Variants in KIF5C observed in about 807,000 individuals in gnomAD.
KIF5C encodes the protein kinesin family member 5C.
Under a neutral mutation model 125.2 loss-of-function variants are expected in KIF5C, and 18 were observed. The ratio of observed to expected loss-of-function variants is 0.14; its 90% confidence interval spans 0.10 to 0.21. The LOEUF is 0.21. Among genes scored for constraint, KIF5C ranks in the 10% least tolerant of loss-of-function variants. The pLI, the probability that KIF5C is intolerant of heterozygous loss-of-function variation, is 1.00. For missense variants in KIF5C, 780 were observed against 1,183.8 expected (o/e 0.66, Z 5.01); for synonymous variants, 405 against 434.0 (o/e 0.93, Z 0.83).
intron 12 of KIF5C, among the ~76,000 whole-genome samples, chr2:148,978,204 G>T (rs979984350): frequency 2.0e-5 from 3 of 152,028 alleles, no homozygotes; most frequent in African/African-American, 7.2e-5. Flanking sequence ...GGTGGGCAGC[G>T]AATACCCTTG....
intron 22 of KIF5C, among the ~76,000 whole-genome samples, chr2:149,007,253 G>A (rs1682036577): frequency 6.6e-6 from 1 of 152,082 alleles, no homozygotes; most frequent in Admixed American, 6.5e-5. Flanking sequence ...TTGAGAAAAA[G>A]GATGATGATC....
At chr2:148,897,342 G>A (rs1002719583) in intron 1 of KIF5C, among the ~76,000 whole-genome samples, 3 of 152,056 alleles carry the variant, frequency 2.0e-5, no homozygotes, top group African/African-American at 7.2e-5. Context: ...GTAGACTAGG[G>A]TTTCTTGAAC....
intron 21 of KIF5C, 70 bp from the exon 22 acceptor site, chr2:149,005,323 A>G (rs1409508557): frequency 1.7e-5 from 27 of 1,571,094 alleles, no homozygotes; most frequent in Non-Finnish European, 2.2e-5. Flanking sequence ...CGGGGGAATG[A>G]TCTGGTGCCA....
intron 1 of KIF5C, among the ~76,000 whole-genome samples, chr2:148,907,115 G>A (rs1681141531): frequency 6.6e-6 from 1 of 152,202 alleles, no homozygotes; most frequent in African/African-American, 2.4e-5. Flanking sequence ...GAAGGTGGCA[G>A]CTGCTTTTCA....
At chr2:149,002,702 C>A (rs1681887430) in intron 21 of KIF5C, among the ~76,000 whole-genome samples, 1 of 152,088 alleles carries the variant, frequency 6.6e-6, no homozygotes, top group Non-Finnish European at 1.5e-5. Context: ...GGACACTCCC[C>A]CTCACACGCA....
chr2:148,907,742 G>A (rs1485998127), intron 1 of KIF5C, among the ~76,000 whole-genome samples: 1 of 152,216 alleles, frequency 6.6e-6, no homozygotes, highest in African/African-American at 2.4e-5. Flanking sequence ...CTTTGTGGCC[G>A]AGGTGGCCCT....
At position 148,981,458 on chromosome 2, in the gene KIF5C, A is replaced by G. The variant is rs1681233464; in HGVS notation, c.1466A>G (p.Gln489Arg). Reference sequence around the variant, plus strand: ...AAGGATGAGGTGAAAGAAGTTCTCCAGGCCCTGGAGGAGCTGGCTGTCAAT... The same window carrying G: ...AAGGATGAGGTGAAAGAAGTTCTCCGGGCCCTGGAGGAGCTGGCTGTCAAT... ...AAKDEVKEVL[Q>R]ALEELAVNYD... Residue 489 changes from glutamine to arginine, a missense_variant, in exon 14 of 26, where the codon CAG becomes CGG. By Grantham distance (43) the Gln-to-Arg change is conservative (BLOSUM62 1). Transcript: ENST00000435030. 1 of 1,608,794 alleles carries G rather than the reference A, an allele frequency of 6.2e-7. No individual in the cohort carries two copies. Among genetic ancestry groups the G allele is most frequent in the Non-Finnish European group, 8.5e-7 (1 of 1,177,626 alleles).
intron 21 of KIF5C, among the ~76,000 whole-genome samples, chr2:149,002,663 C>T (rs951686027): frequency 2.6e-5 from 4 of 152,126 alleles, no homozygotes; most frequent in Non-Finnish European, 5.9e-5. Context: ...GTTCACACTC[C>T]CTTGTACACT....
intron 11 of KIF5C, among the ~76,000 whole-genome samples, chr2:148,971,266 A>ATCTG (rs10569710): frequency 0.25 from 35,815 of 146,150 alleles, 4,884 homozygotes; most frequent in Non-Finnish European, 0.29. Flanking sequence ...TGATTAGAAA[A>ATCTG]TCTGTCTGTC....
rs762542110 is a variant in KIF5C at position 148,875,582 on chromosome 2, A to T, written c.-36A>T. 3.6e-6 allele frequency: 1 copy of T among 277,684 alleles called. No individual in the cohort carries two copies. The allele number at this position is 277,684 out of a possible 1,614,324, so 17.2% of individuals were successfully genotyped here. On this transcript the variant is annotated 5_prime_UTR_variant, in exon 1 of 26. Transcript: ENST00000435030. ...TCGTCGTTCCCGGCCCCGGCCCCCC[A>T]CCCATCCCCGTGCCCCCTCCCTACC...
At chr2:148,935,395 A>G (rs1682271449) in intron 3 of KIF5C, among the ~76,000 whole-genome samples, 1 of 152,210 alleles carries the variant, frequency 6.6e-6, no homozygotes, top group African/African-American at 2.4e-5. Context: ...GAATTATTAA[A>G]AAGCTCTGGA....
chr2:148,965,531 A>G (rs1001107006), intron 11 of KIF5C, among the ~76,000 whole-genome samples: 23 of 152,194 alleles, frequency 1.5e-4, no homozygotes, highest in Non-Finnish European at 2.6e-4. Context: ...GAAGGAGAGT[A>G]GTGAGGGGCA....
At chr2:149,014,113 C>T (rs1682291129) in intron 25 of KIF5C, among the ~76,000 whole-genome samples, 1 of 152,154 alleles carries the variant, frequency 6.6e-6, no homozygotes, top group Non-Finnish European at 1.5e-5. Context: ...CATCCTCTGC[C>T]TCCTGGGTTC....
chr2:148,946,417 G>A (rs1682520829), intron 7 of KIF5C, among the ~76,000 whole-genome samples: 1 of 152,218 alleles, frequency 6.6e-6, no homozygotes, highest in African/African-American at 2.4e-5. Flanking sequence ...AGAAGTGTAT[G>A]TCTTAATCCT....
rs930615403 is a variant in KIF5C at position 148,937,266 on chromosome 2, T to C, written c.292-18T>C. On this transcript the variant is annotated intron_variant, in intron 3 of 25. Transcript: ENST00000435030. The stretch of plus-strand genomic sequence containing the variant: ...CCAGCATGCTTTAACTGCCCGTGTT[T>C]GTATTTTCGCCCACTAGGGGAAGCT... The C allele has an allele frequency of 1.9e-6, 3 of 1,571,634 alleles. No homozygotes were observed. The highest frequency in any genetic ancestry group is 3.7e-5 in the Admixed American group (2 of 53,924).
At chr2:149,012,992 T>C (rs1682257579) in intron 25 of KIF5C, among the ~76,000 whole-genome samples, 1 of 152,202 alleles carries the variant, frequency 6.6e-6, no homozygotes, top group Non-Finnish European at 1.5e-5. Context: ...CATCGAACTT[T>C]GGTGGATGTG....
intron 21 of KIF5C, 148 bp from the exon 22 acceptor site, chr2:149,005,245 T>G: frequency 6.4e-6 from 8 of 1,246,016 alleles, no homozygotes; most frequent in Non-Finnish European, 8.8e-6. Context: ...GGGGTGGGCA[T>G]GGTCAGGGTG....
chr2:149,018,395 C>G (rs1682431726), intron 25 of KIF5C, among the ~76,000 whole-genome samples: 1 of 152,248 alleles, frequency 6.6e-6, no homozygotes, highest in Non-Finnish European at 1.5e-5. Flanking sequence ...CTGATCCTGT[C>G]TCCTCATTCT....
At chr2:148,968,651 A>T (rs1373083196) in intron 11 of KIF5C, among the ~76,000 whole-genome samples, 3 of 152,130 alleles carry the variant, frequency 2.0e-5, no homozygotes, top group Non-Finnish European at 4.4e-5. Context: ...CCAGGTGACC[A>T]GTTTATTAGA....
Sources: gnomAD v4.1 joint callset for allele counts (sites outside exome capture counted in the v4.1 genomes callset) on GRCh38, gnomAD v4.1.1 for gene constraint, MANE v1.5 for transcripts, NCBI Gene and HGNC (gene_info 2026-07-23, HGNC 2026-07-21) for gene names.